Variants in SAMD12 observed in about 807,000 individuals in gnomAD.
SAMD12 encodes the protein sterile alpha motif domain containing 12, also known as sterile alpha motif domain-containing protein 12.
Under a neutral mutation model 15.0 loss-of-function variants are expected in SAMD12, and 9 were observed. That is an observed-to-expected ratio of 0.60 (90% CI 0.36 to 1.05). The LOEUF (loss-of-function observed/expected upper bound fraction) is 1.05. Ranked by LOEUF, SAMD12 falls within the 50% of genes least tolerant of loss-of-function variation. SAMD12 has a pLI of 0.01. For missense variants in SAMD12, 230 were observed against 234.2 expected, an observed-to-expected ratio of 0.98 and a Z score of 0.12; for synonymous variants, 86 against 90.1, an observed-to-expected ratio of 0.96 and a Z score of 0.25.
chr8:118,584,839 C>A (rs948256013), intron 1 of SAMD12, among the ~76,000 whole-genome samples: 3 of 151,818 alleles, frequency 2.0e-5, no homozygotes, highest in Non-Finnish European at 4.4e-5. Context: ...AAGTGATACA[C>A]CCCCTGTGGG....
At chr8:118,568,360 G>A (rs1826906906) in intron 2 of SAMD12, among the ~76,000 whole-genome samples, 1 of 152,186 alleles carries the variant, frequency 6.6e-6, no homozygotes, top group Non-Finnish European at 1.5e-5. Flanking sequence ...AGTAGCAGAT[G>A]ACAGGAGGGA....
At chr8:118,315,470 G>A (rs1586504495) in intron 4 of SAMD12, among the ~76,000 whole-genome samples, 2 of 152,148 alleles carry the variant, frequency 1.3e-5, no homozygotes, top group African/African-American at 4.8e-5. Flanking sequence ...CTTATCCTTT[G>A]TAAGGCATCT....
chr8:118,162,915 G>A, the SAMD12 span, among the ~76,000 whole-genome samples: 2 of 152,146 alleles, frequency 1.3e-5, no homozygotes, highest in African/African-American at 4.8e-5. Context: ...GGGCAAAAAA[G>A]TGGCAGGATA....
chr8:118,280,274 T>C (rs1488928316), intron 4 of SAMD12, among the ~76,000 whole-genome samples: 1 of 152,220 alleles, frequency 6.6e-6, no homozygotes, highest in Non-Finnish European at 1.5e-5. Context: ...GTTGTTATTG[T>C]GTCACAGTAA....
intron 3 of SAMD12, among the ~76,000 whole-genome samples, chr8:118,407,891 C>T (rs1821210608): frequency 6.6e-6 from 1 of 152,112 alleles, no homozygotes; most frequent in Non-Finnish European, 1.5e-5. Context: ...CTCTATCATA[C>T]AAATGAACCT....
chr8:118,542,275 T>C (rs1160912874), intron 2 of SAMD12, among the ~76,000 whole-genome samples: 1 of 152,188 alleles, frequency 6.6e-6, no homozygotes, highest in African/African-American at 2.4e-5. Flanking sequence ...TCTGTGAAGA[T>C]AACTAGATCC....
At chr8:118,316,762 C>T (rs147526847) in intron 4 of SAMD12, among the ~76,000 whole-genome samples, 86 of 151,716 alleles carry the variant, frequency 5.7e-4, no homozygotes, top group African/African-American at 2.0e-3. Context: ...ATGTTGAAAT[C>T]CTAACCCCCA....
At chr8:118,254,489 A>C (rs972906991) in intron 4 of SAMD12, among the ~76,000 whole-genome samples, 4 of 152,132 alleles carry the variant, frequency 2.6e-5, no homozygotes, top group Non-Finnish European at 5.9e-5. Flanking sequence ...GTCATCATCC[A>C]TCTCGCCACA....
chr8:118,397,794 TTAATTAA>T, intron 3 of SAMD12, among the ~76,000 whole-genome samples: 1 of 60,096 alleles, frequency 1.7e-5, no homozygotes, highest in Middle Eastern at 6.9e-3. Context: ...GACTTGCAAA[TTAATTAA>T]TTAATTAATG....
chr8:118,425,024 T>C (rs1346058409), intron 3 of SAMD12, among the ~76,000 whole-genome samples: 3 of 151,318 alleles, frequency 2.0e-5, no homozygotes, highest in East Asian at 1.9e-4. Context: ...TTGCAAGCTC[T>C]GCCTCCTGGG....
At chr8:118,588,509 A>G (rs1044252949) in intron 1 of SAMD12, among the ~76,000 whole-genome samples, 1 of 152,230 alleles carries the variant, frequency 6.6e-6, no homozygotes, top group Admixed American at 6.5e-5. Flanking sequence ...TTCAAAGTTC[A>G]ATGTCCATAA....
intron 2 of SAMD12, among the ~76,000 whole-genome samples, chr8:118,446,372 T>C (rs1347515758): frequency 6.6e-6 from 1 of 152,176 alleles, no homozygotes; most frequent in Non-Finnish European, 1.5e-5. Context: ...TTAAACCTAA[T>C]GCAAGAGTCC....
At chr8:118,133,181 T>C in the SAMD12 span, among the ~76,000 whole-genome samples, 93 of 151,822 alleles carry the variant, frequency 6.1e-4, no homozygotes, top group African/African-American at 2.2e-3. Flanking sequence ...GAGTTCCTTA[T>C]GAGTTTTAAA....
intron 4 of SAMD12, among the ~76,000 whole-genome samples, chr8:118,280,547 T>C (rs550454785): frequency 8.5e-5 from 13 of 152,176 alleles, no homozygotes; most frequent in African/African-American, 3.1e-4. Context: ...AATACTATCA[T>C]ACATGATACA....
chr8:118,159,025 C>T, the SAMD12 span, among the ~76,000 whole-genome samples: 1 of 152,046 alleles, frequency 6.6e-6, no homozygotes, highest in African/African-American at 2.4e-5. Flanking sequence ...AATGGTGGGA[C>T]TGAAAGAGCT....
chr8:118,406,890 TTGTGTGTGTGTGTGTGTG>T (rs3052708), intron 3 of SAMD12, among the ~76,000 whole-genome samples: 3 of 147,330 alleles, frequency 2.0e-5, no homozygotes, highest in Admixed American at 1.4e-4. Flanking sequence ...CAATATTCCA[TTGTGTGTGTGTGTGTGTG>T]TGTGTGTGTG....
At chr8:118,576,832 C>T (rs1290510832) in intron 2 of SAMD12, among the ~76,000 whole-genome samples, 1 of 152,154 alleles carries the variant, frequency 6.6e-6, no homozygotes, top group Non-Finnish European at 1.5e-5. Flanking sequence ...GAGACTCATC[C>T]TCATCTGGAC....
chr8:118,366,318 C>T (rs938570962), intron 4 of SAMD12, among the ~76,000 whole-genome samples: 1 of 152,192 alleles, frequency 6.6e-6, no homozygotes, highest in Non-Finnish European at 1.5e-5. Context: ...CAAACATCCA[C>T]ACTTCTGTCA....
chr8:118,370,587 T>G (rs1397436422), intron 4 of SAMD12, among the ~76,000 whole-genome samples: 1 of 152,170 alleles, frequency 6.6e-6, no homozygotes, highest in Non-Finnish European at 1.5e-5. Context: ...ATATACACCA[T>G]GGAATACTAT....
Sources: allele counts gnomAD v4.1 joint callset (sites outside exome capture counted in the v4.1 genomes callset), GRCh38; gene constraint gnomAD v4.1.1; transcripts MANE v1.5; gene names NCBI Gene and HGNC (gene_info 2026-07-23, HGNC 2026-07-21).